USP48: variants seen among roughly 807,000 people sequenced by gnomAD.
USP48 encodes ubiquitin specific peptidase 48.
In USP48, 43 loss-of-function variants were observed where a neutral mutation model predicts 150.7. The observed-to-expected ratio is 0.29, with a 90% CI of 0.22 to 0.37. The LOEUF is 0.37. Ranked by LOEUF, USP48 falls within the 10% of genes least tolerant of loss-of-function variation. The probability of loss-of-function intolerance (pLI) is 1.00; values close to 1 mark genes in which losing one functional copy is unlikely to be tolerated. For synonymous variants in USP48, 396 were observed against 425.9 expected (o/e 0.93, Z 0.86); for missense variants, 813 against 1,249.6 (o/e 0.65, Z 5.27).
intron 9 of USP48, among the ~76,000 whole-genome samples, chr1:21,730,253 C>G (rs1416470653): frequency 6.6e-6 from 1 of 151,824 alleles, no homozygotes; most frequent in South Asian, 2.1e-4. Flanking sequence ...CCAGCCTGGC[C>G]AAAACATGGA....
chr1:21,694,592 A>AC (rs2097617925), intron 23 of USP48, among the ~76,000 whole-genome samples: 3 of 135,176 alleles, frequency 2.2e-5, no homozygotes, highest in Non-Finnish European at 3.2e-5. Flanking sequence ...AAAAAAAAAA[A>AC]AAAAAAAAAA....
At chr1:21,763,986 C>T (rs1403769052) in intron 1 of USP48, among the ~76,000 whole-genome samples, 4 of 152,154 alleles carry the variant, frequency 2.6e-5, no homozygotes, top group African/African-American at 9.7e-5. Context: ...TCTCCAATGC[C>T]CCTAACTCCA....
chr1:21,709,661 C>T (rs2097685101), intron 15 of USP48, among the ~76,000 whole-genome samples: 1 of 151,678 alleles, frequency 6.6e-6, no homozygotes, highest in Admixed American at 6.6e-5. Flanking sequence ...TGGGAATGCA[C>T]ACACAAACTT....
intron 1 of USP48, among the ~76,000 whole-genome samples, chr1:21,780,969 T>C (rs1227719970): frequency 6.6e-6 from 1 of 150,968 alleles, no homozygotes; most frequent in Non-Finnish European, 1.5e-5. Context: ...CTCGAACTCC[T>C]GACCTCGTGA....
At chr1:21,726,445 G>T (rs1000603579) in intron 11 of USP48, 8 of 152,232 alleles carry the variant, frequency 5.3e-5, no homozygotes, top group Non-Finnish European at 4.4e-5. Context: ...GAGGAAGACA[G>T]AAAGCAGAGA....
intron 1 of USP48, among the ~76,000 whole-genome samples, chr1:21,766,220 A>G (rs1040241738): frequency 6.6e-6 from 1 of 152,044 alleles, no homozygotes; most frequent in Admixed American, 6.6e-5. Flanking sequence ...TAAGAATATA[A>G]AAATTAGCTG....
At chr1:21,704,658 G>C in intron 19 of USP48, 3 of 318,260 alleles carry the variant, frequency 9.4e-6, no homozygotes, top group Non-Finnish European at 1.7e-5. Flanking sequence ...AGTTGCAGAA[G>C]TATAAATACA....
chr1:21,728,554 A>G lies in USP48; in HGVS notation c.1450+16T>C. ...CACTTAATGGCAACAGTGCTGTCCC[A>G]GAATATCTTACAGACCAGCTCCAGC... On this transcript the variant is annotated intron_variant, in intron 11 of 26. Coordinates refer to ENST00000308271, the MANE Select transcript of USP48 (RefSeq NM_032236.8). 6.2e-7 allele frequency: 1 copy of G among 1,611,588 alleles called. No homozygotes were observed. The highest frequency in any genetic ancestry group is 8.5e-7 in the Non-Finnish European group (1 of 1,178,944).
chr1:21,751,578 T>C lies in USP48; in HGVS notation c.703A>G (p.Lys235Glu). Reference protein sequence around the residue: ...QCGRESKLLSKFYELELNIQG... With the variant: ...QCGRESKLLSEFYELELNIQG... Reference sequence around the variant, plus strand: ...ATATTTAACTCCAGCTCATAAAATTTTGACAAAAGCTTAGACTCTCTGCCA... The same window carrying C: ...ATATTTAACTCCAGCTCATAAAATTCTGACAAAAGCTTAGACTCTCTGCCA... Residue 235 changes from lysine to glutamate, a missense_variant, in exon 6 of 27, where the codon AAA becomes GAA. Coordinates refer to ENST00000308271, the MANE Select transcript of USP48 (RefSeq NM_032236.8). The C allele has an allele frequency of 4.3e-6, 7 of 1,613,966 alleles. No individual in the cohort carries two copies. Among genetic ancestry groups the C allele is most frequent in the East Asian group, 4.5e-5 (2 of 44,838 alleles).
At chr1:21,705,353 G>C (rs1031672865) in intron 19 of USP48, among the ~76,000 whole-genome samples, 1 of 152,152 alleles carries the variant, frequency 6.6e-6, no homozygotes, top group Non-Finnish European at 1.5e-5. Context: ...CACCCTGCTA[G>C]CCTCCTCCTT....
chr1:21,691,262 T>TG (rs757435178), intron 23 of USP48, among the ~76,000 whole-genome samples: 1 of 139,846 alleles, frequency 7.2e-6, no homozygotes, highest in Non-Finnish European at 1.5e-5. Flanking sequence ...TGTGGTGAGC[T>TG]GAGACCACGC....
rs1259858959 is a variant in USP48, at chr1:21,723,939, T to G, written c.1607A>C (p.Asp536Ala). The G allele has an allele frequency of 6.2e-7, 1 of 1,614,080 alleles. No homozygotes were observed. Among genetic ancestry groups the G allele is most frequent in the Non-Finnish European group, 8.5e-7 (1 of 1,180,042 alleles). ...TCCTCCATATCTACTATAGAAAATG[T>G]CAGCTGCATATTCAGATATCCTCTT... is the stretch of plus-strand genomic sequence containing the variant. ...IMKRISEYAA[D>A]IFYSRYGGGP... The change falls in exon 12 of 27, where the codon GAC becomes GCC. Residue 536 changes from aspartate to alanine, a missense_variant. Physicochemically the swap from Asp to Ala is moderately radical, Grantham distance 126. Transcript: ENST00000308271.
At chr1:21,758,509 A>G (rs905902196) in intron 1 of USP48, among the ~76,000 whole-genome samples, 4 of 152,164 alleles carry the variant, frequency 2.6e-5, no homozygotes, top group Non-Finnish European at 5.9e-5. Flanking sequence ...CACACCTGCA[A>G]TCCCAGCACT....
At chr1:21,706,223 T>C in intron 17 of USP48, 36 bp from the exon 18 acceptor site, 1 of 1,602,090 alleles carries the variant, frequency 6.2e-7, no homozygotes. Flanking sequence ...TATCCGTCAA[T>C]TCACCGCCTG....
rs185547874 is a variant in USP48, at chr1:21,736,546, G to A, written c.1071C>T (p.His357=). 21 of 1,597,712 alleles carry A rather than the reference G, an allele frequency of 1.3e-5. No homozygotes were observed. Among genetic ancestry groups the A allele is most frequent in the African/African-American group, 4.1e-5 (3 of 73,920 alleles). Residue 357 remains histidine, a synonymous_variant, in exon 9 of 27, where the codon CAC becomes CAT. Transcript: ENST00000308271. The part of the protein sequence containing the change: ...VSAYSGHYIA[H]VKDPQSGEWY... ...ATTCACCAGACTGTGGATCTTTCAC[G>A]TGGGCGATGTAGTGGCCAGAATAAG...
intron 1 of USP48, among the ~76,000 whole-genome samples, chr1:21,759,403 A>G (rs966278094): frequency 6.6e-6 from 1 of 152,072 alleles, no homozygotes. Context: ...CAAACAGCCA[A>G]CTCTAATTAG....
intron 14 of USP48, among the ~76,000 whole-genome samples, chr1:21,720,529 T>C (rs1176970005): frequency 6.7e-6 from 1 of 148,546 alleles, no homozygotes; most frequent in Non-Finnish European, 1.5e-5. Context: ...GTTTTTCTTT[T>C]TCTTTTTTTT....
At chr1:21,705,924 G>A (rs1014360246) in intron 18 of USP48, 87 bp from the exon 19 acceptor site, 74 of 1,185,240 alleles carry the variant, frequency 6.2e-5, no homozygotes, top group Admixed American at 1.1e-4. Flanking sequence ...CAAAATCAGA[G>A]ATATATTTAA....
intron 26 of USP48, among the ~76,000 whole-genome samples, chr1:21,679,957 G>T (rs1571651159): frequency 6.6e-6 from 1 of 151,966 alleles, no homozygotes; most frequent in South Asian, 2.1e-4. Context: ...ACCTCCAAAA[G>T]TGCTGGGATT....
Sources: allele counts gnomAD v4.1 joint callset (sites outside exome capture counted in the v4.1 genomes callset), GRCh38; gene constraint gnomAD v4.1.1; transcripts MANE v1.5; gene names NCBI Gene and HGNC (gene_info 2026-07-23, HGNC 2026-07-21).